CAPZB: variants seen among roughly 807,000 people sequenced by gnomAD.
CAPZB encodes the protein capping actin protein of muscle Z-line subunit beta, also known as F-actin-capping protein subunit beta.
In CAPZB, 2 loss-of-function variants were observed where a neutral mutation model predicts 38.1. The ratio of observed to expected loss-of-function variants is 0.05; its 90% CI spans 0.02 to 0.17. The LOEUF is 0.17. Among genes scored for constraint, CAPZB ranks in the 10% least tolerant of loss-of-function variants. CAPZB has a pLI of 1.00. For missense variants in CAPZB, 161 were observed against 334.2 expected, an observed-to-expected ratio of 0.48 and a Z score of 4.04; for synonymous variants, 107 against 127.4, an observed-to-expected ratio of 0.84 and a Z score of 1.08.
rs757718338 is a variant in CAPZB at position 19,344,353 on chromosome 1, A to G, written c.731+5T>C. 5.6e-6 allele frequency: 9 copies of G among 1,608,742 alleles called. No homozygotes were observed. The highest frequency in any genetic ancestry group is 6.8e-6 in the Non-Finnish European group (8 of 1,175,182). ...TTCTAAAGCTTGTGCTTTCTGGTAC[A>G]TTACCTCAGCCCATTGACGATATCC... On this transcript the variant is annotated splice_donor_5th_base_variant and intron_variant, in intron 8 of 8. Coordinates refer to ENST00000264202, the MANE Select transcript of CAPZB (RefSeq NM_004930.5).
At chr1:19,352,906 C>T (rs1016386144) in intron 6 of CAPZB, among the ~76,000 whole-genome samples, 6 of 152,256 alleles carry the variant, frequency 3.9e-5, no homozygotes, top group African/African-American at 1.2e-4. Context: ...GAGAGTGGCG[C>T]TCTGCCCCGG....
rs2094028960 is a variant in CAPZB at position 19,357,646 on chromosome 1, T to C, written c.330-83A>G. Reference sequence around the variant, plus strand: ...GTCCCAGGCTGCTGCTCAGCAAAGATTCTGGGATTCAGGGCCCTCCCTGCG... The same window carrying C: ...GTCCCAGGCTGCTGCTCAGCAAAGACTCTGGGATTCAGGGCCCTCCCTGCG... On this transcript the variant is annotated intron_variant, in intron 4 of 8. Coordinates refer to ENST00000264202, the MANE Select transcript of CAPZB (RefSeq NM_004930.5). This position sits in a 1 kb window ranked among gnomAD's most constrained non-coding sequence, Gnocchi z 4.3. The C allele has an allele frequency of 7.0e-7, 1 of 1,432,858 alleles. No homozygotes were observed. Among genetic ancestry groups the C allele is most frequent in the Non-Finnish European group, 9.7e-7 (1 of 1,031,258 alleles). 88.8% of individuals were successfully genotyped at this position (1,432,858 alleles called of 1,614,324 possible).
intron 1 of CAPZB, among the ~76,000 whole-genome samples, chr1:19,429,946 CAT>C (rs1225563301): frequency 5.9e-5 from 9 of 152,278 alleles, no homozygotes; most frequent in East Asian, 1.9e-4. Context: ...AGGAATTCCA[CAT>C]GTGTCCATGG....
At chr1:19,411,163 G>C (rs2094355522) in intron 2 of CAPZB, among the ~76,000 whole-genome samples, 1 of 152,046 alleles carries the variant, frequency 6.6e-6, no homozygotes, top group African/African-American at 2.4e-5. Context: ...AGAAGTTTGA[G>C]ACCAACCTGG....
chr1:19,403,021 C>A (rs771116451), intron 2 of CAPZB, among the ~76,000 whole-genome samples: 11 of 152,118 alleles, frequency 7.2e-5, no homozygotes, highest in Middle Eastern at 3.4e-3. Flanking sequence ...CACACTCCAG[C>A]CTGGGCAACA....
chr1:19,411,368 G>A (rs1025378181), intron 2 of CAPZB, among the ~76,000 whole-genome samples: 8 of 152,164 alleles, frequency 5.3e-5, no homozygotes, highest in African/African-American at 9.7e-5. Flanking sequence ...AGCTTACTGC[G>A]TGGCTATCTT....
chr1:19,355,916 G>C (rs2094018575), intron 6 of CAPZB, among the ~76,000 whole-genome samples: 1 of 152,174 alleles, frequency 6.6e-6, no homozygotes, highest in Non-Finnish European at 1.5e-5. Context: ...GCTTATGGGA[G>C]CATCTAAGGT....
chr1:19,366,094 G>A (rs1286426909), intron 4 of CAPZB, among the ~76,000 whole-genome samples: 1 of 151,764 alleles, frequency 6.6e-6, no homozygotes, highest in Non-Finnish European at 1.5e-5. Flanking sequence ...CCCGTCACAT[G>A]TATGGTGTGT....
chr1:19,430,458 T>C (rs1204275511), intron 1 of CAPZB, among the ~76,000 whole-genome samples: 2 of 152,210 alleles, frequency 1.3e-5, no homozygotes, highest in Non-Finnish European at 2.9e-5. Context: ...AACAGTTCCT[T>C]TGCAGAGATC....
chr1:19,485,484 C>CT lies in CAPZB; in HGVS notation c.-47_-46insA. ...TCCCGGTCCCGGCGTCAGTGGCTCT[C>CT]CCCCCCGCAGCAGGGCCCGGCGCTT... On this transcript the variant is annotated 5_prime_UTR_variant, in exon 1 of 9. Coordinates refer to ENST00000264202, the MANE Select transcript of CAPZB (RefSeq NM_004930.5). 1 of 1,222,272 alleles carries CT rather than the reference C, an allele frequency of 8.2e-7. No individual in the cohort carries two copies. The highest frequency in any genetic ancestry group is 1.0e-6 in the Non-Finnish European group (1 of 980,704). The allele number at this position is 1,222,272 out of a possible 1,614,324, so 75.7% of individuals were successfully genotyped here. A position where few individuals can be genotyped will look rare whatever the true frequency, so the allele number is the denominator to read the frequency against.
intron 1 of CAPZB, chr1:19,449,346 G>T (rs959771612): frequency 9.8e-7 from 1 of 1,018,416 alleles, no homozygotes. Flanking sequence ...GAACGGGGAA[G>T]ATTTTGCCAG....
Position 19,485,501 on chromosome 1 carries a change from C to G in CAPZB, c.-63G>C. On this transcript the variant is annotated 5_prime_UTR_variant, in exon 1 of 9. Coordinates refer to ENST00000264202, the MANE Select transcript of CAPZB (RefSeq NM_004930.5). The stretch of plus-strand genomic sequence containing the variant: ...GTGGCTCTCCCCCCCGCAGCAGGGC[C>G]CGGCGCTTCCACTTCCCCGGGTGCC... The G allele has an allele frequency of 8.2e-7, 1 of 1,221,176 alleles. No homozygotes were observed. Among genetic ancestry groups the G allele is most frequent in the Non-Finnish European group, 1.0e-6 (1 of 979,500 alleles). The allele number at this position is 1,221,176 out of a possible 1,614,324, so 75.6% of individuals were successfully genotyped here.
At chr1:19,415,098 A>C (rs2094373274) in intron 2 of CAPZB, among the ~76,000 whole-genome samples, 1 of 152,232 alleles carries the variant, frequency 6.6e-6, no homozygotes, top group Non-Finnish European at 1.5e-5. Context: ...ACCATGGTGG[A>C]CTGGATCCAT....
chr1:19,405,822 A>G (rs180759820), intron 2 of CAPZB, among the ~76,000 whole-genome samples: 7 of 152,350 alleles, frequency 4.6e-5, no homozygotes, highest in Non-Finnish European at 1.0e-4. Flanking sequence ...ACCATCTGGA[A>G]CATCAATTCG....
At chr1:19,449,200 G>C (rs939639014) in intron 1 of CAPZB, 82 of 1,175,426 alleles carry the variant, frequency 7.0e-5, no homozygotes, top group Non-Finnish European at 8.0e-5. Flanking sequence ...AGGCCTGAAA[G>C]GTCATGCTTC....
chr1:19,419,398 A>G (rs1350107090), intron 2 of CAPZB, among the ~76,000 whole-genome samples: 1 of 152,208 alleles, frequency 6.6e-6, no homozygotes, highest in Non-Finnish European at 1.5e-5. Flanking sequence ...GAAACTGAAG[A>G]CAAGGCAGCT....
chr1:19,387,624 T>C (rs2094210963), intron 2 of CAPZB, among the ~76,000 whole-genome samples: 1 of 152,214 alleles, frequency 6.6e-6, no homozygotes, highest in African/African-American at 2.4e-5. Context: ...CACCATCAGC[T>C]CAATTTTTCC....
intron 4 of CAPZB, among the ~76,000 whole-genome samples, chr1:19,359,210 C>CTTTTTTTTTTTTT (rs57251931): frequency 8.7e-6 from 1 of 114,412 alleles, no homozygotes; most frequent in African/African-American, 3.4e-5. Context: ...TCTCTGTACT[C>CTTTTTTTTTTTTT]TTTTTTTTTT....
At chr1:19,464,636 A>G (rs1422088277) in intron 1 of CAPZB, among the ~76,000 whole-genome samples, 1 of 152,152 alleles carries the variant, frequency 6.6e-6, no homozygotes, top group Non-Finnish European at 1.5e-5. Context: ...ACATCCAAAA[A>G]CTGGAGGCAA....
Sources: gnomAD v4.1 joint callset for allele counts (sites outside exome capture counted in the v4.1 genomes callset) on GRCh38, gnomAD v4.1.1 for gene constraint, Gnocchi (gnomAD v3.1) non-coding constraint, MANE v1.5 for transcripts, NCBI Gene and HGNC (gene_info 2026-07-23, HGNC 2026-07-21) for gene names.